Variants in ARHGAP24 observed in about 807,000 individuals in gnomAD.
ARHGAP24 encodes rho GTPase-activating protein 24.
In ARHGAP24, 50 loss-of-function variants were observed where a neutral mutation model predicts 76.4. The ratio of observed to expected loss-of-function variants is 0.65; its 90% confidence interval spans 0.52 to 0.83. The LOEUF is 0.83. ARHGAP24 is among the 40% of genes least tolerant of loss of function. The pLI, the probability that ARHGAP24 is intolerant of heterozygous loss-of-function variation, is 0.00. For missense variants in ARHGAP24, 930 were observed against 914.2 expected, an observed-to-expected ratio of 1.02 and a Z score of -0.22; for synonymous variants, 345 against 323.3, an observed-to-expected ratio of 1.07 and a Z score of -0.72.
intron 2 of ARHGAP24, among the ~76,000 whole-genome samples, chr4:85,686,102 A>T (rs1723413778): frequency 6.6e-6 from 1 of 152,202 alleles, no homozygotes; most frequent in Admixed American, 6.5e-5. Flanking sequence ...CTGGAGGATC[A>T]GCTCTCCCAG....
intron 3 of ARHGAP24, among the ~76,000 whole-genome samples, chr4:85,755,650 T>TTTTA (rs1726462712): frequency 1.4e-5 from 2 of 144,668 alleles, no homozygotes; most frequent in South Asian, 2.3e-4. Flanking sequence ...TGTTTTGTTT[T>TTTTA]GAGACGGAGT....
rs1722541149 is a variant in ARHGAP24 at position 85,475,519 on chromosome 4, G to A, written c.-61G>A. Reference sequence around the variant, plus strand: ...GGTCCTGGGAGCCTTTTCCTTCGGAGCAGCAGCCCTGTCCGGCATCTGTCT... The same window carrying A: ...GGTCCTGGGAGCCTTTTCCTTCGGAACAGCAGCCCTGTCCGGCATCTGTCT... On this transcript the variant is annotated 5_prime_UTR_variant, in exon 1 of 10. Transcript: ENST00000395184. The A allele has an allele frequency of 6.6e-6, 1 of 152,444 alleles. No homozygotes were observed. Among genetic ancestry groups the A allele is most frequent in the Admixed American group, 6.6e-5 (1 of 15,258 alleles). The allele number at this position is 152,444 out of a possible 1,614,324, so 9.4% of individuals were successfully genotyped here.
chr4:85,577,464 C>T (rs1236151496), intron 2 of ARHGAP24, among the ~76,000 whole-genome samples: 1 of 152,004 alleles, frequency 6.6e-6, no homozygotes, highest in East Asian at 1.9e-4. Context: ...TGGTAGTGGC[C>T]CTTGTCACTT....
chr4:85,682,223 T>C (rs1723232652), intron 2 of ARHGAP24, among the ~76,000 whole-genome samples: 1 of 152,200 alleles, frequency 6.6e-6, no homozygotes, highest in African/African-American at 2.4e-5. Context: ...AAAGAAACCA[T>C]AATAAGCCAC....
Position 85,839,843 on chromosome 4 carries a change from C to CTTTTT in ARHGAP24, c.269-83785_269-83781dup, listed in dbSNP as rs33974767. On this transcript the variant is annotated intron_variant, in intron 3 of 9. Coordinates refer to ENST00000395184, the MANE Select transcript of ARHGAP24 (RefSeq NM_001025616.3). ...CTACCAAGTGTCTTTTTTCTGTTTTCTTTTTTTTTTTTTTTTTTTTTTTTG... is the reference window on the plus strand; with the variant it reads ...CTACCAAGTGTCTTTTTTCTGTTTTCTTTTTTTTTTTTTTTTTTTTTTTTTTTTTG... Among the ~76,000 whole-genome samples the CTTTTT allele has an allele frequency of 5.3e-4, 56 of 105,612 alleles. 2 individuals carry two copies. Among genetic ancestry groups the CTTTTT allele is most frequent in the South Asian group, 8.7e-4 (3 of 3,446 alleles). The allele number at this position is 105,612 out of a possible 152,430, so 69.3% of individuals were successfully genotyped here.
intron 3 of ARHGAP24, among the ~76,000 whole-genome samples, chr4:85,791,216 G>T (rs1728106108): frequency 6.6e-6 from 1 of 152,162 alleles, no homozygotes. Context: ...TGTCCATATT[G>T]TGGGCATCTG....
intron 3 of ARHGAP24, among the ~76,000 whole-genome samples, chr4:85,856,834 T>C (rs950599893): frequency 1.3e-5 from 2 of 152,168 alleles, no homozygotes; most frequent in Admixed American, 1.3e-4. Context: ...CTATCCTTAG[T>C]GGTAAGTTCT....
intron 3 of ARHGAP24, among the ~76,000 whole-genome samples, chr4:85,732,787 G>A (rs1412577255): frequency 1.4e-4 from 21 of 148,874 alleles, no homozygotes; most frequent in South Asian, 4.2e-4. Flanking sequence ...TCCACCTCCC[G>A]GGTTCAAGCG....
chr4:85,950,149 T>C (rs1737526239), intron 5 of ARHGAP24, among the ~76,000 whole-genome samples: 1 of 152,042 alleles, frequency 6.6e-6, no homozygotes, highest in Non-Finnish European at 1.5e-5. Flanking sequence ...GAATAGCAAG[T>C]GCAAAGTCCT....
At chr4:85,809,977 T>G (rs2110111847) in intron 3 of ARHGAP24, among the ~76,000 whole-genome samples, 1 of 152,354 alleles carries the variant, frequency 6.6e-6, no homozygotes, top group Admixed American at 6.5e-5. Context: ...ACTTAAAATT[T>G]TTTGAGACTC....
At chr4:85,649,070 G>A (rs969017842) in intron 2 of ARHGAP24, among the ~76,000 whole-genome samples, 1 of 151,200 alleles carries the variant, frequency 6.6e-6, no homozygotes, top group Non-Finnish European at 1.5e-5. Context: ...ATTTCTGAGA[G>A]CAAAATGCTA....
At chr4:85,541,142 C>CTTTTTTTTTTTTTTTTTTTTTTT (rs70948733) in intron 1 of ARHGAP24, among the ~76,000 whole-genome samples, 1 of 49,740 alleles carries the variant, frequency 2.0e-5, no homozygotes, top group African/African-American at 1.1e-4. Context: ...CATCCATGAC[C>CTTTTTTTTTTTTTTTTTTTTTTT]TTTTTTTTTT....
At chr4:85,693,209 A>T (rs988098322) in intron 2 of ARHGAP24, among the ~76,000 whole-genome samples, 2 of 152,090 alleles carry the variant, frequency 1.3e-5, no homozygotes, top group African/African-American at 4.8e-5. Flanking sequence ...CAGTGCTGGG[A>T]GTAGAGAAGT....
intron 1 of ARHGAP24, among the ~76,000 whole-genome samples, chr4:85,526,492 C>T (rs1219370707): frequency 1.3e-5 from 2 of 151,628 alleles, no homozygotes; most frequent in Non-Finnish European, 2.9e-5. Flanking sequence ...CTGCAGAAAA[C>T]TTAGTGATTT....
chr4:85,992,786 T>C (rs1453058835), intron 8 of ARHGAP24, among the ~76,000 whole-genome samples: 1 of 147,864 alleles, frequency 6.8e-6, no homozygotes, highest in African/African-American at 2.6e-5. Flanking sequence ...AAGAAGGCTA[T>C]ATAATACAAT....
At chr4:85,498,979 G>A (rs1342689158) in intron 1 of ARHGAP24, among the ~76,000 whole-genome samples, 1 of 151,994 alleles carries the variant, frequency 6.6e-6, no homozygotes, top group Non-Finnish European at 1.5e-5. Flanking sequence ...GTATAAACTA[G>A]TGTCATCCAT....
intron 1 of ARHGAP24, among the ~76,000 whole-genome samples, chr4:85,529,487 C>T (rs1002559559): frequency 1.3e-5 from 2 of 152,100 alleles, no homozygotes; most frequent in East Asian, 3.9e-4. Context: ...ATCAGCCTTC[C>T]TTTGGCTTTT....
chr4:85,654,591 C>G (rs574661512), intron 2 of ARHGAP24, among the ~76,000 whole-genome samples: 1 of 152,198 alleles, frequency 6.6e-6, no homozygotes, highest in East Asian at 1.9e-4. Context: ...CATTACCTTT[C>G]TTATACACAT....
intron 5 of ARHGAP24, among the ~76,000 whole-genome samples, chr4:85,958,968 G>A (rs975808724): frequency 2.0e-5 from 3 of 152,172 alleles, no homozygotes; most frequent in Non-Finnish European, 2.9e-5. Context: ...AGGTTCATCT[G>A]TTATGGGAAA....
Sources: gnomAD v4.1 joint callset for allele counts (sites outside exome capture counted in the v4.1 genomes callset) on GRCh38, gnomAD v4.1.1 for gene constraint, MANE v1.5 for transcripts, NCBI Gene and HGNC (gene_info 2026-07-23, HGNC 2026-07-21) for gene names.